The following DLGAP1 variants were observed in gnomAD, a reference collection of about 807,000 sequenced individuals.
The protein encoded by DLGAP1 is DLG associated protein 1, also known as disks large-associated protein 1.
Under a neutral mutation model 90.8 loss-of-function variants are expected in DLGAP1, and 11 were observed. That is an observed-to-expected ratio of 0.12 (90% confidence interval 0.08 to 0.20). The LOEUF (loss-of-function observed/expected upper bound fraction) is 0.20. Among genes scored for constraint, DLGAP1 ranks in the 10% least tolerant of loss-of-function variants. The probability of loss-of-function intolerance (pLI) is 1.00; values close to 1 mark genes in which losing one functional copy is unlikely to be tolerated. For synonymous variants in DLGAP1, 558 were observed against 540.7 expected, an observed-to-expected ratio of 1.03 and a Z score of -0.44; for missense variants, 1,050 against 1,333.8, an observed-to-expected ratio of 0.79 and a Z score of 3.31.
At chr18:4,300,457 A>T (rs2080096552) in intron 1 of DLGAP1, among the ~76,000 whole-genome samples, 1 of 152,214 alleles carries the variant, frequency 6.6e-6, no homozygotes, top group Non-Finnish European at 1.5e-5. Flanking sequence ...AGATACACCT[A>T]CAAACTCATT....
chr18:3,912,762 G>A (rs1309085335), intron 3 of DLGAP1, among the ~76,000 whole-genome samples: 1 of 152,116 alleles, frequency 6.6e-6, no homozygotes, highest in Non-Finnish European at 1.5e-5. Flanking sequence ...GGCTGGGTAG[G>A]TGAATTTGAC....
intron 5 of DLGAP1, among the ~76,000 whole-genome samples, chr18:3,780,505 G>A (rs1007709066): frequency 7.2e-6 from 1 of 138,830 alleles, no homozygotes; most frequent in Non-Finnish European, 1.6e-5. Flanking sequence ...GCCGGCAGTG[G>A]TTGGCTGGGT....
At chr18:3,542,815 C>T (rs900488684) in intron 9 of DLGAP1, among the ~76,000 whole-genome samples, 3 of 152,108 alleles carry the variant, frequency 2.0e-5, no homozygotes, top group Admixed American at 1.3e-4. Context: ...GAAACGTAGC[C>T]GAGTTGGAAT....
At chr18:4,099,270 G>GTCTATCTA (rs145071677) in intron 2 of DLGAP1, among the ~76,000 whole-genome samples, 1 of 147,898 alleles carries the variant, frequency 6.8e-6, no homozygotes, top group South Asian at 2.1e-4. Flanking sequence ...CTGTCTGTCT[G>GTCTATCTA]TCTATCTATC....
At chr18:3,531,469 C>T (rs1379391820) in intron 10 of DLGAP1, among the ~76,000 whole-genome samples, 2 of 148,832 alleles carry the variant, frequency 1.3e-5, no homozygotes, top group African/African-American at 2.6e-5. Context: ...TTGTTACGTA[C>T]GATAATGCAT....
intron 1 of DLGAP1, among the ~76,000 whole-genome samples, chr18:4,311,895 T>G (rs992345495): frequency 6.6e-6 from 1 of 152,172 alleles, no homozygotes; most frequent in African/African-American, 2.4e-5. Flanking sequence ...TTTGTAGTTT[T>G]AGTAGAGACA....
intron 2 of DLGAP1, among the ~76,000 whole-genome samples, chr18:4,042,625 A>C (rs1361358816): frequency 2.0e-5 from 3 of 152,204 alleles, no homozygotes; most frequent in Non-Finnish European, 4.4e-5. Context: ...CTGTAGTCCT[A>C]GCTGTTCGGG....
At chr18:4,428,369 C>T (rs534617351) in intron 1 of DLGAP1, among the ~76,000 whole-genome samples, 2 of 152,216 alleles carry the variant, frequency 1.3e-5, no homozygotes, top group East Asian at 3.9e-4. Flanking sequence ...TCACTTGAGG[C>T]CAGAAGTTCG....
chr18:4,254,949 G>A (rs1205375272), intron 1 of DLGAP1, among the ~76,000 whole-genome samples: 2 of 152,170 alleles, frequency 1.3e-5, no homozygotes, highest in Non-Finnish European at 2.9e-5. Flanking sequence ...TCAATGGAAC[G>A]TAATCTAGGA....
intron 2 of DLGAP1, among the ~76,000 whole-genome samples, chr18:4,090,002 G>A (rs1218224590): frequency 1.3e-5 from 2 of 152,044 alleles, no homozygotes; most frequent in South Asian, 4.2e-4. Context: ...CCAAGATCGC[G>A]CCGCTGCACT....
intron 2 of DLGAP1, among the ~76,000 whole-genome samples, chr18:4,044,512 G>A (rs1256282989): frequency 5.3e-5 from 8 of 152,196 alleles, no homozygotes; most frequent in Non-Finnish European, 1.0e-4. Context: ...GGAGGCCGAG[G>A]CAGGTGGACC....
chr18:4,304,696 TGAG>T (rs1441837026), intron 1 of DLGAP1, among the ~76,000 whole-genome samples: 1 of 152,026 alleles, frequency 6.6e-6, no homozygotes, highest in Admixed American at 6.5e-5. Flanking sequence ...TTTGGGAGGC[TGAG>T]GAGGGTGGAT....
intron 3 of DLGAP1, among the ~76,000 whole-genome samples, chr18:3,961,168 C>T (rs1599225051): frequency 6.6e-6 from 1 of 151,984 alleles, no homozygotes; most frequent in Non-Finnish European, 1.5e-5. Flanking sequence ...GCTCCGGAGC[C>T]CTGAGGAGTT....
At chr18:4,446,852 AAGAAGT>A (rs1267840907) in intron 1 of DLGAP1, among the ~76,000 whole-genome samples, 2 of 152,210 alleles carry the variant, frequency 1.3e-5, no homozygotes, top group African/African-American at 4.8e-5. Context: ...GTTTAACAAA[AAGAAGT>A]AGGAGAGTGG....
chr18:3,880,816 G>T (rs11662636), intron 3 of DLGAP1, among the ~76,000 whole-genome samples: 57,117 of 150,960 alleles, frequency 0.38, 10,971 homozygotes, highest in South Asian at 0.5. Context: ...GGTGGTGGGT[G>T]CCTGTAATCC....
Position 3,963,146 on chromosome 18 carries a change from G to A in DLGAP1, c.-73+41970C>T, listed in dbSNP as rs146978154. On this transcript the variant is annotated intron_variant, in intron 3 of 12. Transcript: ENST00000315677. ...CTGCTTTGCTTTGGGGGTGCCAGAG[G>A]GGATTTTTCCTTAACTGGAACATAG... is the stretch of plus-strand genomic sequence containing the variant. Among the ~76,000 whole-genome samples the A allele has an allele frequency of 3.1e-3, 468 of 152,182 alleles. 2 individuals are homozygous for A. The highest frequency in any genetic ancestry group is 0.014 in the Middle Eastern group (4 of 294).
intron 2 of DLGAP1, among the ~76,000 whole-genome samples, chr18:4,063,999 G>A (rs1428942783): frequency 6.6e-6 from 1 of 152,020 alleles, no homozygotes; most frequent in East Asian, 1.9e-4. Context: ...AAATCCAAGT[G>A]TTTCCTAATG....
intron 3 of DLGAP1, among the ~76,000 whole-genome samples, chr18:3,963,603 T>TA (rs2073253999): frequency 1.6e-5 from 2 of 121,950 alleles, no homozygotes; most frequent in African/African-American, 3.0e-5. Flanking sequence ...TTTTTTTTTT[T>TA]AGTGCAATTT....
At chr18:3,763,752 C>T (rs1168136535) in intron 5 of DLGAP1, among the ~76,000 whole-genome samples, 2 of 151,794 alleles carry the variant, frequency 1.3e-5, no homozygotes, top group African/African-American at 4.8e-5. Flanking sequence ...CAACCTCCAT[C>T]TCCCAGGTAC....
Sources: allele counts gnomAD v4.1 joint callset (sites outside exome capture counted in the v4.1 genomes callset), GRCh38; gene constraint gnomAD v4.1.1; transcripts MANE v1.5; gene names NCBI Gene and HGNC (gene_info 2026-07-23, HGNC 2026-07-21).